TTC28: variants seen among roughly 807,000 people sequenced by gnomAD.
The protein encoded by TTC28 is tetratricopeptide repeat domain 28.
In TTC28, 61 loss-of-function variants were observed where a neutral mutation model predicts 198.0. The ratio of observed to expected loss-of-function variants is 0.31; its 90% confidence interval spans 0.25 to 0.38. The LOEUF is 0.38. Among genes scored for constraint, TTC28 ranks in the 10% least tolerant of loss-of-function variants. The probability of loss-of-function intolerance (pLI) is 1.00; values close to 1 mark genes in which losing one functional copy is unlikely to be tolerated. For synonymous variants in TTC28, 1,171 were observed against 1,297.8 expected, an observed-to-expected ratio of 0.90 and a Z score of 2.10; for missense variants, 2,678 against 3,164.0, an observed-to-expected ratio of 0.85 and a Z score of 3.69.
intron 3 of TTC28, among the ~76,000 whole-genome samples, chr22:28,302,979 AT>A (rs1188680600): frequency 6.6e-6 from 1 of 152,212 alleles, no homozygotes; most frequent in Admixed American, 6.5e-5. Flanking sequence ...AAGCTTATAC[AT>A]TTAACAGGCA....
chr22:28,163,388 T>G lies in TTC28; in HGVS notation c.1145A>C (p.Lys382Thr), dbSNP rs1273719491. The change falls in exon 6 of 23, where the codon AAG becomes ACG. Residue 382 changes from lysine to threonine, a missense_variant. Coordinates refer to ENST00000397906, the MANE Select transcript of TTC28 (RefSeq NM_001145418.2). ...CTTGTTCCCCAGGTCCTTGGCTATC[T>G]TCAGATGCTGCTCATGGCACTGCAC... The part of the protein sequence containing the change: ...NAVQCHEQHL[K>T]IAKDLGNKRE... 1 of 1,552,044 alleles carries G rather than the reference T, an allele frequency of 6.4e-7. No individual in the cohort carries two copies. The highest frequency in any genetic ancestry group is 8.7e-7 in the Non-Finnish European group (1 of 1,147,048).
intron 5 of TTC28, among the ~76,000 whole-genome samples, chr22:28,282,347 T>C (rs1413366528): frequency 1.3e-5 from 2 of 152,208 alleles, no homozygotes; most frequent in African/African-American, 4.8e-5. Flanking sequence ...ATGATTCACA[T>C]TGCTGCACTT....
chr22:28,253,574 G>A (rs1181206232), intron 5 of TTC28, among the ~76,000 whole-genome samples: 2 of 152,170 alleles, frequency 1.3e-5, no homozygotes, highest in Admixed American at 6.6e-5. Flanking sequence ...CTGGCACATA[G>A]TATCCAATAT....
In TTC28 at chr22:28,199,596, ATGTGTATG is replaced by A. The variant is rs1235408950; in HGVS notation, c.934-36005_934-35998del. On this transcript the variant is annotated intron_variant, in intron 5 of 22. Coordinates refer to ENST00000397906, the MANE Select transcript of TTC28 (RefSeq NM_001145418.2). ...GTGTGCATGTGCACTGTGTATGTGT[ATGTGTATG>A]TGTATGTGTATGTGTATGTTCATAA... Among the ~76,000 whole-genome samples the A allele has an allele frequency of 6.0e-3, 763 of 126,944 alleles. 19 individuals are homozygous for A. Among genetic ancestry groups the A allele is most frequent in the African/African-American group, 0.021 (720 of 33,498 alleles). The allele number at this position is 126,944 out of a possible 152,430, so 83.3% of individuals were successfully genotyped here.
intron 2 of TTC28, among the ~76,000 whole-genome samples, chr22:28,345,984 A>G (rs2045897470): frequency 6.6e-6 from 1 of 152,222 alleles, no homozygotes; most frequent in African/African-American, 2.4e-5. Flanking sequence ...TCTTCAGAGT[A>G]GAAGTTGGTG....
intron 22 of TTC28, among the ~76,000 whole-genome samples, chr22:27,984,932 C>G (rs1035652619): frequency 6.6e-6 from 1 of 152,182 alleles, no homozygotes; most frequent in African/African-American, 2.4e-5. Flanking sequence ...TGAGTGTCCG[C>G]TCCGGTCAGG....
In TTC28 at chr22:28,050,202, A is replaced by G. The variant is rs540472569; in HGVS notation, c.3933-19836T>C. Reference sequence around the variant, plus strand: ...AGGCCCCGGAGCCAGGTGAGCTTGAATCAGGCCTGTTCATTCCCCTGTCAC... The same window carrying G: ...AGGCCCCGGAGCCAGGTGAGCTTGAGTCAGGCCTGTTCATTCCCCTGTCAC... On this transcript the variant is annotated intron_variant, in intron 12 of 22. Coordinates refer to ENST00000397906, the MANE Select transcript of TTC28 (RefSeq NM_001145418.2). 1.8e-3 allele frequency among the ~76,000 whole-genome samples: 275 copies of G among 152,182 alleles called. 1 individual carries two copies. Among genetic ancestry groups the G allele is most frequent in the African/African-American group, 6.3e-3 (262 of 41,524 alleles).
chr22:28,336,130 C>G (rs547238108), intron 2 of TTC28, among the ~76,000 whole-genome samples: 2 of 152,108 alleles, frequency 1.3e-5, no homozygotes, highest in Non-Finnish European at 2.9e-5. Flanking sequence ...TGTTTATATG[C>G]TGGATTACGT....
At chr22:28,092,110 T>G (rs766057473) in intron 12 of TTC28, among the ~76,000 whole-genome samples, 2 of 152,218 alleles carry the variant, frequency 1.3e-5, no homozygotes, top group African/African-American at 4.8e-5. Flanking sequence ...CTAACTATCA[T>G]TTGGTTGCTC....
rs192889380 is a variant in TTC28, at chr22:27,998,982, C to T, written c.4677G>A (p.Thr1559=). 24 of 1,550,558 alleles carry T rather than the reference C, an allele frequency of 1.5e-5. No individual in the cohort carries two copies. Among genetic ancestry groups the T allele is most frequent in the African/African-American group, 1.1e-4 (8 of 73,140 alleles). ...TGGCAGGGTTGCCGTCCATGCTGGGCGTGAGGACCAAGGCCGACAGCTTCC... is the reference window on the plus strand; with the variant it reads ...TGGCAGGGTTGCCGTCCATGCTGGGTGTGAGGACCAAGGCCGACAGCTTCC... ...ISWKLSALVL[T]PSMDGNPASS... The change falls in exon 16 of 23, where the codon ACG becomes ACA. Residue 1559 remains threonine (T), a synonymous_variant. Transcript: ENST00000397906.
At chr22:28,596,798 G>C (rs888765173) in intron 2 of TTC28, among the ~76,000 whole-genome samples, 1 of 152,154 alleles carries the variant, frequency 6.6e-6, no homozygotes, top group Non-Finnish European at 1.5e-5. Context: ...CTCATGATGA[G>C]TGCCAGACAG....
At chr22:28,585,654 C>T (rs555616583) in intron 2 of TTC28, among the ~76,000 whole-genome samples, 2 of 152,226 alleles carry the variant, frequency 1.3e-5, no homozygotes, top group African/African-American at 4.8e-5. Flanking sequence ...TGTAGTAAGC[C>T]TTATCTACAT....
intron 2 of TTC28, among the ~76,000 whole-genome samples, chr22:28,382,960 T>C (rs2046518486): frequency 6.6e-6 from 1 of 152,206 alleles, no homozygotes; most frequent in South Asian, 2.1e-4. Context: ...TGACCTCTAG[T>C]ATTGTTAAAA....
chr22:28,419,666 C>T (rs751809088), intron 2 of TTC28, among the ~76,000 whole-genome samples: 27 of 152,220 alleles, frequency 1.8e-4, no homozygotes, highest in Non-Finnish European at 1.2e-4. Flanking sequence ...GGTATGTCTA[C>T]ATGCTAATTA....
rs530233869 is a variant in TTC28, at chr22:28,423,952, A to G, written c.382-117309T>C. 1.1e-4 allele frequency among the ~76,000 whole-genome samples: 17 copies of G among 152,252 alleles called. 1 individual carries two copies. Among genetic ancestry groups the G allele is most frequent in the African/African-American group, 3.9e-4 (16 of 41,542 alleles). On this transcript the variant is annotated intron_variant, in intron 2 of 22. Transcript: ENST00000397906. ...TGCAAAGGCCAAAATTTTTTAAACC[A>G]CTCAACTCATATGAATTAACCTGAT...
intron 2 of TTC28, among the ~76,000 whole-genome samples, chr22:28,467,555 G>C (rs2048038801): frequency 1.3e-5 from 2 of 152,152 alleles, no homozygotes; most frequent in Admixed American, 1.3e-4. Context: ...TTTGTTTCTA[G>C]ACTAACAATA....
chr22:28,576,756 T>A lies in TTC28; in HGVS notation c.381+52796A>T, dbSNP rs369707113. 2.0e-5 allele frequency among the ~76,000 whole-genome samples: 3 copies of A among 152,090 alleles called. No homozygotes were observed. The South Asian group carries it at 6.2e-4, about 32-fold the overall frequency. ...GAATTTATACATTTCTTTTAGGTTT[T>A]CCAATGTATTGGCATACTGTTGCTC... On this transcript the variant is annotated intron_variant, in intron 2 of 22. Transcript: ENST00000397906.
intron 12 of TTC28, among the ~76,000 whole-genome samples, chr22:28,092,534 T>C (rs1438027308): frequency 6.6e-6 from 1 of 152,218 alleles, no homozygotes; most frequent in Non-Finnish European, 1.5e-5. Flanking sequence ...TGCCAAAGTC[T>C]GCCCTGCTGG....
chr22:28,552,654 G>A (rs1212409456), intron 2 of TTC28, among the ~76,000 whole-genome samples: 2 of 152,148 alleles, frequency 1.3e-5, no homozygotes, highest in Non-Finnish European at 2.9e-5. Flanking sequence ...AACAAAAGGT[G>A]CTGGGACAAC....
Sources: allele counts gnomAD v4.1 joint callset (sites outside exome capture counted in the v4.1 genomes callset), GRCh38; gene constraint gnomAD v4.1.1; transcripts MANE v1.5; gene names NCBI Gene and HGNC (gene_info 2026-07-23, HGNC 2026-07-21).